The following PPP2R2C variants were observed in gnomAD, a reference collection of about 807,000 sequenced individuals.
The protein encoded by PPP2R2C is protein phosphatase 2, regulatory subunit B, gamma.
Under a neutral mutation model 45.3 loss-of-function variants are expected in PPP2R2C, and 10 were observed. The observed-to-expected ratio is 0.22, with a 90% CI of 0.14 to 0.37. PPP2R2C has a LOEUF of 0.37. Ranked by LOEUF, PPP2R2C falls within the 10% of genes least tolerant of loss-of-function variation. PPP2R2C has a pLI of 1.00. For synonymous variants in PPP2R2C, 257 were observed against 245.4 expected, an observed-to-expected ratio of 1.05 and a Z score of -0.44; for missense variants, 308 against 619.7, an observed-to-expected ratio of 0.50 and a Z score of 5.34.
chr4:6,404,311 G>C (rs988568021), intron 1 of PPP2R2C, among the ~76,000 whole-genome samples: 7 of 152,164 alleles, frequency 4.6e-5, no homozygotes, highest in African/African-American at 1.7e-4. Flanking sequence ...GCAAGGGGCA[G>C]GCACACAGAG....
intron 2 of PPP2R2C, among the ~76,000 whole-genome samples, chr4:6,487,058 TC>T (rs1722552544): frequency 6.6e-6 from 1 of 152,094 alleles, no homozygotes; most frequent in Non-Finnish European, 1.5e-5. Flanking sequence ...CTTTAACTTA[TC>T]ACAGTCTACC....
chr4:6,329,421 G>T lies in PPP2R2C; in HGVS notation c.961-68C>A. The T allele has an allele frequency of 2.9e-6, 4 of 1,382,202 alleles. No individual in the cohort carries two copies. Among genetic ancestry groups the T allele is most frequent in the Non-Finnish European group, 4.1e-6 (4 of 971,962 alleles). The allele number at this position is 1,382,202 out of a possible 1,614,324, so 85.6% of individuals were successfully genotyped here. A position where few individuals can be genotyped will look rare whatever the true frequency, so the allele number is the denominator to read the frequency against. ...CCATCCTGGCCCTTCCACAAGAAGG[G>T]TCTCAAAGAGCAGCGAGGGTCTGCA... On this transcript the variant is annotated intron_variant, in intron 7 of 8. Coordinates refer to ENST00000382599, the MANE Select transcript of PPP2R2C (RefSeq NM_020416.4). This position sits in a 1 kb window ranked among gnomAD's most constrained non-coding sequence, Gnocchi z 5.8.
intron 2 of PPP2R2C, among the ~76,000 whole-genome samples, chr4:6,499,470 C>G (rs975597415): frequency 2.6e-5 from 4 of 152,132 alleles, no homozygotes; most frequent in Non-Finnish European, 5.9e-5. Context: ...AGGCAGGGTA[C>G]TTCCTTCAAG....
chr4:6,542,200 C>G (rs1240046998), intron 1 of PPP2R2C, among the ~76,000 whole-genome samples: 1 of 152,132 alleles, frequency 6.6e-6, no homozygotes, highest in Non-Finnish European at 1.5e-5. Flanking sequence ...CCAACAATAA[C>G]CCCTGGAGAT....
At position 6,516,655 on chromosome 4, in the gene PPP2R2C, C is replaced by T. The variant is rs1723836957; in HGVS notation, c.49+18616G>A. 2.6e-5 allele frequency among the ~76,000 whole-genome samples: 4 copies of T among 152,228 alleles called. 1 individual carries two copies. In the South Asian group the frequency reaches 8.3e-4, roughly 31 times the overall value. ...AGGAATTAGAACAGCATGGACCCTG[C>T]AGCGAGTTTTTCATTTAAAAGAAAA... On this transcript the variant is annotated intron_variant, in intron 2 of 9. Transcript: ENST00000506140.
At chr4:6,511,779 A>G (rs149253568) in intron 2 of PPP2R2C, among the ~76,000 whole-genome samples, 1,684 of 4,490 alleles carry the variant, frequency 0.38, 222 homozygotes, top group Middle Eastern at 0.5. Flanking sequence ...TGATGGTGGT[A>G]ATGGTGGTGG....
chr4:6,397,288 A>G (rs182325579), intron 1 of PPP2R2C, among the ~76,000 whole-genome samples: 1 of 152,334 alleles, frequency 6.6e-6, no homozygotes, highest in Admixed American at 6.5e-5. Flanking sequence ...CCAGGCCCCC[A>G]GGCACCCCTG....
intron 1 of PPP2R2C, among the ~76,000 whole-genome samples, chr4:6,470,489 T>A (rs1047951159): frequency 1.3e-5 from 2 of 151,982 alleles, no homozygotes; most frequent in South Asian, 2.1e-4. Flanking sequence ...CTGCGCCCCA[T>A]CCCACCGTCA....
intron 1 of PPP2R2C, among the ~76,000 whole-genome samples, chr4:6,410,944 C>T (rs1351827597): frequency 6.6e-6 from 1 of 151,970 alleles, no homozygotes; most frequent in Non-Finnish European, 1.5e-5. Flanking sequence ...TCTCTGCTCA[C>T]TGCAGCTTCA....
intron 5 of PPP2R2C, among the ~76,000 whole-genome samples, chr4:6,360,546 T>C (rs1713638026): frequency 6.6e-6 from 1 of 152,100 alleles, no homozygotes; most frequent in South Asian, 2.1e-4. Context: ...GAGTTAGGGA[T>C]GGAGGCAGCC....
intron 1 of PPP2R2C, among the ~76,000 whole-genome samples, chr4:6,554,084 C>A (rs1029243424): frequency 1.3e-5 from 2 of 152,158 alleles, no homozygotes; most frequent in African/African-American, 4.8e-5. Flanking sequence ...ACTGTGTGCT[C>A]TCCCCACAAA....
intron 2 of PPP2R2C, among the ~76,000 whole-genome samples, chr4:6,522,794 A>G (rs1176768934): frequency 2.0e-5 from 3 of 152,376 alleles, no homozygotes. Context: ...GCTGAGCCAG[A>G]CACAGCTCCC....
chr4:6,543,398 CA>C (rs375725675), intron 1 of PPP2R2C, among the ~76,000 whole-genome samples: 4 of 150,012 alleles, frequency 2.7e-5, no homozygotes, highest in Non-Finnish European at 4.5e-5. Context: ...ACATGGTCAC[CA>C]AAAAAAAATG....
chr4:6,349,126 G>A (rs1712292956), intron 5 of PPP2R2C: 1 of 985,262 alleles, frequency 1.0e-6, no homozygotes, highest in South Asian at 4.7e-5. Context: ...CGGCTTTCCA[G>A]CTTCAGATCC....
intron 2 of PPP2R2C, among the ~76,000 whole-genome samples, chr4:6,496,594 G>A (rs1403110170): frequency 1.3e-5 from 2 of 152,226 alleles, no homozygotes; most frequent in Non-Finnish European, 2.9e-5. Flanking sequence ...GGACACAGTG[G>A]CTCACGCCTG....
rs1334953668 is a variant in PPP2R2C, at chr4:6,434,782, A to G, written c.70+37378T>C. On this transcript the variant is annotated intron_variant, in intron 1 of 8. Coordinates refer to ENST00000382599, the MANE Select transcript of PPP2R2C (RefSeq NM_020416.4). ...ATATCAGCTATTTTAGTCCTTGCCT[A>G]TACGATAGATAAAAAAACAGTATCT... is the stretch of plus-strand genomic sequence containing the variant. Among the ~76,000 whole-genome samples, 4 of 29,054 alleles carry G rather than the reference A, an allele frequency of 1.4e-4. No individual in the cohort carries two copies. In the East Asian group the frequency reaches 4.5e-3, roughly 33 times the overall value. The allele number at this position is 29,054 out of a possible 152,430, so 19.1% of individuals were successfully genotyped here. A position where few individuals can be genotyped will look rare whatever the true frequency, so the allele number is the denominator to read the frequency against.
intron 1 of PPP2R2C, among the ~76,000 whole-genome samples, chr4:6,409,738 C>T (rs972134349): frequency 1.3e-5 from 2 of 152,160 alleles, no homozygotes; most frequent in African/African-American, 4.8e-5. Flanking sequence ...CAGGACTCAC[C>T]CCAAGTCATG....
chr4:6,356,404 G>C (rs376446544), intron 5 of PPP2R2C, among the ~76,000 whole-genome samples: 14 of 152,338 alleles, frequency 9.2e-5, no homozygotes, highest in African/African-American at 3.4e-4. Context: ...GGGACAAGGA[G>C]AGAAGGGTCA....
chr4:6,414,696 C>T (rs1414777863), intron 1 of PPP2R2C, among the ~76,000 whole-genome samples: 1 of 151,890 alleles, frequency 6.6e-6, no homozygotes, highest in Non-Finnish European at 1.5e-5. Context: ...TTGTTGGGCT[C>T]CTAATGTATC....
Sources: allele counts gnomAD v4.1 joint callset (sites outside exome capture counted in the v4.1 genomes callset), GRCh38; gene constraint gnomAD v4.1.1; non-coding constraint Gnocchi (gnomAD v3.1); transcripts MANE v1.5; gene names NCBI Gene and HGNC (gene_info 2026-07-23, HGNC 2026-07-21).